Variants in ZNF385B observed in about 807,000 individuals in gnomAD.
ZNF385B encodes the protein zinc finger protein 533.
Under a neutral mutation model 39.2 loss-of-function variants are expected in ZNF385B, and 23 were observed. The ratio of observed to expected loss-of-function variants is 0.59; its 90% CI spans 0.42 to 0.83. The LOEUF is 0.83. Ranked by LOEUF, ZNF385B falls within the 40% of genes least tolerant of loss-of-function variation. ZNF385B has a pLI of 0.00. For synonymous variants in ZNF385B, 205 were observed against 222.6 expected, an observed-to-expected ratio of 0.92 and a Z score of 0.70; for missense variants, 552 against 598.9, an observed-to-expected ratio of 0.92 and a Z score of 0.82.
chr2:179,733,554 G>A (rs566693776), intron 3 of ZNF385B, among the ~76,000 whole-genome samples: 42 of 152,224 alleles, frequency 2.8e-4, no homozygotes, highest in African/African-American at 9.2e-4. Flanking sequence ...AGGCCGAGGC[G>A]GGCGGATCAC....
intron 3 of ZNF385B, among the ~76,000 whole-genome samples, chr2:179,699,569 T>C (rs926954710): frequency 6.6e-6 from 1 of 152,248 alleles, no homozygotes; most frequent in African/African-American, 2.4e-5. Flanking sequence ...TTTGATTGGA[T>C]AATTCCTGCT....
intron 6 of ZNF385B, 95 bp downstream of exon 6, chr2:179,483,175 GGA>G: frequency 7.4e-7 from 1 of 1,346,822 alleles, no homozygotes; most frequent in Middle Eastern, 1.8e-4. Context: ...AACAAATCAT[GGA>G]GAGTAACATG....
chr2:179,717,491 G>A (rs974174833), intron 3 of ZNF385B, among the ~76,000 whole-genome samples: 6 of 152,174 alleles, frequency 3.9e-5, no homozygotes, highest in African/African-American at 1.4e-4. Flanking sequence ...CTAACATTTT[G>A]GGATGCCAAG....
At chr2:179,805,503 T>C (rs1463491756) in intron 1 of ZNF385B, among the ~76,000 whole-genome samples, 1 of 152,234 alleles carries the variant, frequency 6.6e-6, no homozygotes, top group Non-Finnish European at 1.5e-5. Context: ...TTCTAATCTG[T>C]AACTTAACAA....
intron 6 of ZNF385B, among the ~76,000 whole-genome samples, chr2:179,458,293 G>A (rs1331127367): frequency 1.3e-5 from 2 of 152,148 alleles, no homozygotes; most frequent in Non-Finnish European, 2.9e-5. Flanking sequence ...TTATATAAGG[G>A]AGAGTTTCCC....
chr2:179,701,485 T>C (rs72958990), intron 3 of ZNF385B, among the ~76,000 whole-genome samples: 6,402 of 152,282 alleles, frequency 0.042, 152 homozygotes, highest in African/African-American at 0.052. Flanking sequence ...ATATTTAATA[T>C]ACAGTGTAAA....
chr2:179,534,998 T>C (rs1487853433), intron 4 of ZNF385B, among the ~76,000 whole-genome samples: 1 of 152,122 alleles, frequency 6.6e-6, no homozygotes, highest in Non-Finnish European at 1.5e-5. Context: ...TTCAGCTCAT[T>C]TTGGGAAATG....
At chr2:179,760,223 C>CGCGTGTGTGTGTGTGTGT (rs11282329) in intron 3 of ZNF385B, among the ~76,000 whole-genome samples, 16 of 144,548 alleles carry the variant, frequency 1.1e-4, no homozygotes, top group African/African-American at 4.1e-4. Flanking sequence ...TTCCTGTGTG[C>CGCGTGTGTGTGTGTGTGT]GTGTGTGTGT....
intron 3 of ZNF385B, among the ~76,000 whole-genome samples, chr2:179,700,865 T>A (rs1008523202): frequency 6.6e-5 from 10 of 152,032 alleles, no homozygotes; most frequent in Non-Finnish European, 1.5e-4. Flanking sequence ...TACAAAAAAA[T>A]TAGTCGCACA....
intron 4 of ZNF385B, among the ~76,000 whole-genome samples, chr2:179,525,155 AC>A: frequency 6.6e-6 from 1 of 152,304 alleles, no homozygotes; most frequent in East Asian, 1.9e-4. Flanking sequence ...CTAAAGAAAC[AC>A]TGCCAGAATC....
intron 3 of ZNF385B, among the ~76,000 whole-genome samples, chr2:179,552,347 A>G (rs2105929802): frequency 6.7e-6 from 1 of 149,554 alleles, no homozygotes; most frequent in Admixed American, 6.7e-5. Flanking sequence ...AAGCATTTGC[A>G]GAATGAGATC....
At chr2:179,721,610 T>C (rs1389842905) in intron 3 of ZNF385B, among the ~76,000 whole-genome samples, 1 of 152,060 alleles carries the variant, frequency 6.6e-6, no homozygotes, top group Non-Finnish European at 1.5e-5. Context: ...TATTGTGAAC[T>C]AAATATATGT....
intron 3 of ZNF385B, among the ~76,000 whole-genome samples, chr2:179,646,351 G>A (rs1449969192): frequency 3.9e-5 from 6 of 152,232 alleles, no homozygotes; most frequent in Non-Finnish European, 7.3e-5. Flanking sequence ...GGCAGAGGTT[G>A]CAGTGAGCCG....
rs140902693 is a variant in ZNF385B, at chr2:179,645,178, C to T, written c.299-100209G>A. Reference sequence around the variant, plus strand: ...TACAGCAAATGAAAGAAACGTCTAACTTTAATGTGGCTCAGCACGGCAGCT... The same window carrying T: ...TACAGCAAATGAAAGAAACGTCTAATTTTAATGTGGCTCAGCACGGCAGCT... On this transcript the variant is annotated intron_variant, in intron 3 of 9. Transcript: ENST00000410066. Among the ~76,000 whole-genome samples the T allele has an allele frequency of 2.7e-3, 413 of 152,314 alleles. 3 individuals carry two copies. The highest frequency in any genetic ancestry group is 9.4e-3 in the African/African-American group (389 of 41,570).
At chr2:179,548,405 T>C (rs2060365854) in intron 3 of ZNF385B, among the ~76,000 whole-genome samples, 1 of 139,242 alleles carries the variant, frequency 7.2e-6, no homozygotes, top group African/African-American at 2.7e-5. Flanking sequence ...CTCTGGCATG[T>C]AAGGTTTGTT....
chr2:179,445,300 G>T (rs2049359616), intron 8 of ZNF385B, among the ~76,000 whole-genome samples: 1 of 152,128 alleles, frequency 6.6e-6, no homozygotes, highest in Non-Finnish European at 1.5e-5. Flanking sequence ...TCAACTGTAG[G>T]CTCCAGTGAC....
chr2:179,690,943 A>G (rs535654132), intron 3 of ZNF385B, among the ~76,000 whole-genome samples: 1 of 152,284 alleles, frequency 6.6e-6, no homozygotes, highest in Non-Finnish European at 1.5e-5. Context: ...TTTCCTGAAC[A>G]CTGATTTAGA....
chr2:179,806,837 G>C (rs939258591), intron 1 of ZNF385B, among the ~76,000 whole-genome samples: 4 of 152,162 alleles, frequency 2.6e-5, no homozygotes, highest in Admixed American at 2.6e-4. Context: ...TACATGAAAA[G>C]ATGCTCAATC....
At chr2:179,525,572 G>A (rs1574610901) in intron 4 of ZNF385B, among the ~76,000 whole-genome samples, 1 of 152,178 alleles carries the variant, frequency 6.6e-6, no homozygotes, top group Non-Finnish European at 1.5e-5. Context: ...GGGCCTTCTG[G>A]AAGTTTGGCT....
Sources: gnomAD v4.1 joint callset for allele counts (sites outside exome capture counted in the v4.1 genomes callset) on GRCh38, gnomAD v4.1.1 for gene constraint, MANE v1.5 for transcripts, NCBI Gene and HGNC (gene_info 2026-07-23, HGNC 2026-07-21) for gene names.